GMCL1: variants seen among roughly 807,000 people sequenced by gnomAD.
The protein encoded by GMCL1 is germ cell-less 1, spermatogenesis associated.
In GMCL1, 54 loss-of-function variants were observed where a neutral mutation model predicts 75.5. The observed-to-expected ratio is 0.71, with a 90% CI of 0.57 to 0.90. The LOEUF (loss-of-function observed/expected upper bound fraction) is 0.90. Among genes scored for constraint, GMCL1 ranks in the 40% least tolerant of loss-of-function variants. The pLI is 0.00. For synonymous variants in GMCL1, 210 were observed against 209.6 expected, an observed-to-expected ratio of 1.00 and a Z score of -0.02; for missense variants, 537 against 622.7, an observed-to-expected ratio of 0.86 and a Z score of 1.47.
intron 1 of GMCL1, among the ~76,000 whole-genome samples, chr2:69,833,130 G>A (rs1424029121): frequency 6.6e-6 from 1 of 152,224 alleles, no homozygotes; most frequent in African/African-American, 2.4e-5. Context: ...TTTTGGCCCA[G>A]AAGGCTAAAG....
At chr2:69,862,489 G>A (rs1675681211) in intron 10 of GMCL1, among the ~76,000 whole-genome samples, 1 of 152,036 alleles carries the variant, frequency 6.6e-6, no homozygotes, top group Non-Finnish European at 1.5e-5. Flanking sequence ...GCTGGGTGTG[G>A]TGGCTCACAC....
In GMCL1 at chr2:69,837,574, T is replaced by C; in HGVS notation, c.288T>C (p.Tyr96=). 1.3e-6 allele frequency: 2 copies of C among 1,590,464 alleles called. No individual in the cohort carries two copies. The highest frequency in any genetic ancestry group is 1.8e-5 in the Admixed American group (1 of 57,010). The change falls in exon 2 of 14, where the codon TAT becomes TAC. Residue 96 remains tyrosine, a synonymous_variant. Coordinates refer to ENST00000282570, the MANE Select transcript of GMCL1 (RefSeq NM_178439.5). The part of the protein sequence containing the change: ...RRKKLKSTSK[Y]IYQTLFLNGE... ...AAAAATTAAAGAGTACATCTAAATA[T>C]ATTTATCAAACATTATTTTTGAATG...
Position 69,829,987 on chromosome 2 carries a change from C to T in GMCL1, c.95C>T (p.Pro32Leu), listed in dbSNP as rs1674622665. ...AGGGCGGGGGGCTCGGCCCGGAGGC[C>T]GGACACTGGAGACGATGCGGCGGGC... ...GARAGGSARR[P>L]DTGDDAAGHG... The change falls in exon 1 of 14, where the codon CCG becomes CTG. Residue 32 changes from proline to leucine, a missense_variant. Physicochemically the swap from Pro to Leu is moderately conservative, Grantham distance 98. This residue lies in a region of GMCL1 where 144 missense variants were observed against 127.2 expected (regional missense o/e 1.13). Transcript: ENST00000282570. 49 of 1,581,346 alleles carry T rather than the reference C, an allele frequency of 3.1e-5. No homozygotes were observed. Among genetic ancestry groups the T allele is most frequent in the Non-Finnish European group, 4.1e-5 (48 of 1,163,544 alleles).
intron 13 of GMCL1, 34 bp from the exon 14 acceptor site, chr2:69,878,875 T>C (rs1273823382): frequency 2.1e-6 from 3 of 1,430,852 alleles, no homozygotes; most frequent in Non-Finnish European, 2.0e-6. Context: ...TTATTTTATC[T>C]AATTGTCATT....
intron 7 of GMCL1, among the ~76,000 whole-genome samples, chr2:69,848,569 G>A (rs1195626176): frequency 2.0e-5 from 3 of 152,176 alleles, no homozygotes; most frequent in Non-Finnish European, 4.4e-5. Flanking sequence ...TTAGCTGGGT[G>A]TGGTGGTTCG....
intron 1 of GMCL1, among the ~76,000 whole-genome samples, chr2:69,830,847 A>G (rs527473217): frequency 6.6e-6 from 1 of 151,604 alleles, no homozygotes; most frequent in South Asian, 2.1e-4. Context: ...ATATATGCTT[A>G]CACAAACAAT....
At chr2:69,868,993 T>C (rs556797625) in intron 11 of GMCL1, among the ~76,000 whole-genome samples, 1 of 150,156 alleles carries the variant, frequency 6.7e-6, no homozygotes, top group Non-Finnish European at 1.5e-5. Context: ...GGCTTACACT[T>C]TGTAGTCCCA....
intron 1 of GMCL1, among the ~76,000 whole-genome samples, chr2:69,832,098 G>A (rs1674689509): frequency 6.6e-6 from 1 of 152,088 alleles, no homozygotes; most frequent in South Asian, 2.1e-4. Context: ...GCAGCTGCCT[G>A]TAATCCCAGC....
In GMCL1 at chr2:69,880,252, GA is replaced by G. The variant is rs1361460464; in HGVS notation, c.*1253del. ...TGTGCAAATAATAAATGCCCATTTG[GA>G]AAAAGAGTAAGCTCTTACATAAAAT... is the stretch of plus-strand genomic sequence containing the variant. On this transcript the variant is annotated 3_prime_UTR_variant, in exon 14 of 14. Transcript: ENST00000282570. The G allele has an allele frequency of 6.6e-6, 1 of 151,982 alleles. No homozygotes were observed. The highest frequency in any genetic ancestry group is 1.5e-5 in the Non-Finnish European group (1 of 67,998). The allele number at this position is 151,982 out of a possible 1,614,324, so 9.4% of individuals were successfully genotyped here.
chr2:69,843,594 G>C (rs927951720), intron 5 of GMCL1, among the ~76,000 whole-genome samples: 13 of 152,070 alleles, frequency 8.5e-5, no homozygotes, highest in African/African-American at 3.1e-4. Flanking sequence ...ATTAAGACCA[G>C]CCTGAGCAAT....
At chr2:69,868,703 A>T (rs1397449081) in intron 11 of GMCL1, among the ~76,000 whole-genome samples, 1 of 147,250 alleles carries the variant, frequency 6.8e-6, no homozygotes, top group African/African-American at 2.5e-5. Context: ...GTGAGCCACC[A>T]CACCCAGCCC....
chr2:69,875,041 A>G (rs1007803710), intron 13 of GMCL1, among the ~76,000 whole-genome samples: 7 of 151,602 alleles, frequency 4.6e-5, no homozygotes, highest in African/African-American at 1.7e-4. Context: ...CACCAGGCCC[A>G]AACAGTTTTT....
chr2:69,832,292 T>G (rs1437092953), intron 1 of GMCL1, among the ~76,000 whole-genome samples: 5 of 152,148 alleles, frequency 3.3e-5, no homozygotes, highest in Non-Finnish European at 5.9e-5. Context: ...CATATGTAAA[T>G]TGGAGATATA....
chr2:69,844,729 G>A, intron 6 of GMCL1: 1 of 181,418 alleles, frequency 5.5e-6, no homozygotes. Context: ...TGAGGCAGGA[G>A]GATTGCTTAA....
At chr2:69,869,887 C>T (rs372212180) in intron 12 of GMCL1, 23 bp downstream of exon 12, 3 of 1,600,600 alleles carry the variant, frequency 1.9e-6, no homozygotes, top group Admixed American at 3.5e-5. Flanking sequence ...TTCCCCACCC[C>T]ACTCCTCCTC....
At chr2:69,857,119 C>T (rs1160135855) in intron 9 of GMCL1, among the ~76,000 whole-genome samples, 1 of 152,170 alleles carries the variant, frequency 6.6e-6, no homozygotes, top group African/African-American at 2.4e-5. Context: ...TAGCCTCATT[C>T]CCTTTTACAC....
At chr2:69,859,395 G>T (rs1462417972) in intron 9 of GMCL1, among the ~76,000 whole-genome samples, 1 of 151,506 alleles carries the variant, frequency 6.6e-6, no homozygotes, top group Non-Finnish European at 1.5e-5. Context: ...GTTGCTACTA[G>T]TATTTACCTA....
chr2:69,832,219 C>CAAA (rs774662812), intron 1 of GMCL1, among the ~76,000 whole-genome samples: 3 of 117,836 alleles, frequency 2.5e-5, no homozygotes, highest in African/African-American at 2.9e-5. Context: ...GACTCTGTCT[C>CAAA]AAAAAAAAAA....
chr2:69,855,044 G>A, intron 9 of GMCL1, 84 bp downstream of exon 9: 1 of 1,100,838 alleles, frequency 9.1e-7, no homozygotes, highest in Non-Finnish European at 1.3e-6. Flanking sequence ...AAGGAAAGAA[G>A]TAGAAATTAT....
Sources: gnomAD v4.1 joint callset for allele counts (sites outside exome capture counted in the v4.1 genomes callset) on GRCh38, gnomAD v4.1.1 for gene constraint, gnomAD v4.1.1 regional missense constraint, MANE v1.5 for transcripts, NCBI Gene and HGNC (gene_info 2026-07-23, HGNC 2026-07-21) for gene names.